The following ABLIM2 variants were observed in gnomAD, a reference collection of about 807,000 sequenced individuals.
ABLIM2 encodes actin-binding LIM protein 2.
In ABLIM2, 53 loss-of-function variants were observed where a neutral mutation model predicts 97.7. That is an observed-to-expected ratio of 0.54 (90% CI 0.44 to 0.68). The LOEUF is 0.68. Ranked by LOEUF, ABLIM2 falls within the 30% of genes least tolerant of loss-of-function variation. ABLIM2 has a pLI of 0.00. For synonymous variants in ABLIM2, 361 were observed against 345.8 expected (o/e 1.04, Z -0.49); for missense variants, 835 against 867.2 (o/e 0.96, Z 0.47).
intron 8 of ABLIM2, 103 bp from the exon 9 acceptor site, chr4:8,045,344 C>A (rs991356975): frequency 2.8e-6 from 3 of 1,084,940 alleles, no homozygotes; most frequent in Non-Finnish European, 4.3e-6. Flanking sequence ...CAGCGCACTG[C>A]GGTGTTTCTT....
In ABLIM2 at chr4:8,071,098, G is replaced by C. The variant is rs1238955310; in HGVS notation, c.675+6530C>G. 6.6e-6 allele frequency among the ~76,000 whole-genome samples: 1 copy of C among 152,164 alleles called. No individual in the cohort carries two copies. The highest frequency in any genetic ancestry group is 1.5e-5 in the Non-Finnish European group (1 of 68,014). ...CACCTCCTCCCTTTATGCAGCCCTGGTCTAGAGGCTGGTCACACCGCTGTC... is the reference window on the plus strand; with the variant it reads ...CACCTCCTCCCTTTATGCAGCCCTGCTCTAGAGGCTGGTCACACCGCTGTC... On this transcript the variant is annotated intron_variant, in intron 6 of 20. Coordinates refer to ENST00000447017, the MANE Select transcript of ABLIM2 (RefSeq NM_001130083.2). This position sits in a 1 kb window ranked among gnomAD's most constrained non-coding sequence, Gnocchi z 6.2.
chr4:8,145,789 C>T (rs937118774), intron 1 of ABLIM2, among the ~76,000 whole-genome samples: 4 of 144,234 alleles, frequency 2.8e-5, no homozygotes, highest in East Asian at 2.1e-4. Flanking sequence ...CACACACACA[C>T]GAGATCCCTG....
chr4:8,018,011 C>G (rs1211524515), intron 14 of ABLIM2, among the ~76,000 whole-genome samples: 2 of 149,552 alleles, frequency 1.3e-5, no homozygotes, highest in African/African-American at 4.9e-5. Flanking sequence ...AAAAAAAGCA[C>G]AAAGACGATC....
rs997138396 is a variant in ABLIM2 at position 8,087,023 on chromosome 4, G to T, written c.454+1146C>A. ...TCCCAGGGCCAGTGCTGCACCTCGG[G>T]GAGGCTGGAAGTGGAATCGCCTCTG... On this transcript the variant is annotated intron_variant, in intron 4 of 20. Coordinates refer to ENST00000447017, the MANE Select transcript of ABLIM2 (RefSeq NM_001130083.2). This position sits in a 1 kb window ranked among gnomAD's most constrained non-coding sequence, Gnocchi z 4.6. Among the ~76,000 whole-genome samples, 1 of 152,156 alleles carries T rather than the reference G, an allele frequency of 6.6e-6. No homozygotes were observed. Among genetic ancestry groups the T allele is most frequent in the African/African-American group, 2.4e-5 (1 of 41,448 alleles).
Position 8,112,528 on chromosome 4 carries a change from G to T in ABLIM2, c.11-5891C>A, listed in dbSNP as rs1175425085. On this transcript the variant is annotated intron_variant, in intron 1 of 20. Coordinates refer to ENST00000447017, the MANE Select transcript of ABLIM2 (RefSeq NM_001130083.2). The surrounding 1 kb of genome is among the most constrained non-coding windows in gnomAD (Gnocchi z 4.2). The stretch of plus-strand genomic sequence containing the variant: ...CAGACTTGCAGGCCGCAGGATGGAG[G>T]GGTCAGATCAGGGGTGGCTATCAGA... 1.3e-5 allele frequency among the ~76,000 whole-genome samples: 2 copies of T among 152,166 alleles called. No homozygotes were observed. Among genetic ancestry groups the T allele is most frequent in the African/African-American group, 2.4e-5 (1 of 41,434 alleles).
rs1849206220 is a variant in ABLIM2, at chr4:8,130,470, G to A, written c.11-23833C>T. On this transcript the variant is annotated intron_variant, in intron 1 of 20. Coordinates refer to ENST00000447017, the MANE Select transcript of ABLIM2 (RefSeq NM_001130083.2). The surrounding 1 kb of genome is among the most constrained non-coding windows in gnomAD (Gnocchi z 4.2). ...GGCAGGGAGAGTGGACGCCGGCGCC[G>A]GGCACTGATCTGGGCCTTTCCACAG... Among the ~76,000 whole-genome samples the A allele has an allele frequency of 1.3e-5, 2 of 152,308 alleles. No individual in the cohort carries two copies. Among genetic ancestry groups the A allele is most frequent in the Middle Eastern group, 3.4e-3 (1 of 294 alleles).
At chr4:8,074,038 G>C (rs1279360342) in intron 6 of ABLIM2, among the ~76,000 whole-genome samples, 1 of 128,178 alleles carries the variant, frequency 7.8e-6, no homozygotes, top group Non-Finnish European at 1.6e-5. Context: ...AGTGAGCCGA[G>C]ATTGCGCCAC....
chr4:8,130,551 C>T lies in ABLIM2; in HGVS notation c.11-23914G>A, dbSNP rs948969165. Among the ~76,000 whole-genome samples the T allele has an allele frequency of 2.0e-5, 3 of 152,014 alleles. No individual in the cohort carries two copies. Among genetic ancestry groups the T allele is most frequent in the Middle Eastern group, 3.4e-3 (1 of 294 alleles). ...CCCGAGACACTGTGAGGTGGCGCCA[C>T]GCTTGGCCCCGCATTACTGGGACTT... On this transcript the variant is annotated intron_variant, in intron 1 of 20. Coordinates refer to ENST00000447017, the MANE Select transcript of ABLIM2 (RefSeq NM_001130083.2). This position sits in a 1 kb window ranked among gnomAD's most constrained non-coding sequence, Gnocchi z 4.2.
chr4:8,131,775 G>A (rs113846386), intron 1 of ABLIM2, among the ~76,000 whole-genome samples: 7 of 83,468 alleles, frequency 8.4e-5, no homozygotes, highest in African/African-American at 1.3e-4. Flanking sequence ...ACAGCAGCCC[G>A]CATCCCCTGC....
chr4:8,092,474 T>C (rs977711575), intron 3 of ABLIM2, among the ~76,000 whole-genome samples: 1 of 152,296 alleles, frequency 6.6e-6, no homozygotes, highest in East Asian at 1.9e-4. Flanking sequence ...TAAAACAGAA[T>C]GGCGTATGAC....
intron 3 of ABLIM2, among the ~76,000 whole-genome samples, chr4:8,091,833 T>C (rs1828835623): frequency 1.7e-5 from 1 of 59,610 alleles, no homozygotes; most frequent in Non-Finnish European, 3.2e-5. Flanking sequence ...ATTATATAAA[T>C]AATATAATAT....
chr4:8,101,801 C>T (rs1834795153), intron 2 of ABLIM2, among the ~76,000 whole-genome samples: 2 of 152,220 alleles, frequency 1.3e-5, no homozygotes, highest in Admixed American at 1.3e-4. Context: ...CAGAGCTCAG[C>T]CACCCTTTGA....
intron 9 of ABLIM2, among the ~76,000 whole-genome samples, chr4:8,036,852 C>T (rs1414823899): frequency 1.3e-5 from 2 of 152,004 alleles, no homozygotes; most frequent in Non-Finnish European, 2.9e-5. Context: ...TGCAAACACA[C>T]ACACTGCACA....
chr4:7,976,427 A>C (rs1199336809), intron 20 of ABLIM2, among the ~76,000 whole-genome samples: 5 of 152,168 alleles, frequency 3.3e-5, no homozygotes, highest in African/African-American at 1.2e-4. Context: ...CCATGTAGCC[A>C]CAGGGGTTGT....
chr4:8,074,776 CTTTTTTTTTTTTT>C (rs71175458), intron 6 of ABLIM2, among the ~76,000 whole-genome samples: 1 of 105,048 alleles, frequency 9.5e-6, no homozygotes, highest in Non-Finnish European at 1.9e-5. Context: ...CCTGGTAATT[CTTTTTTTTTTTTT>C]TTTTTTTTTG....
Position 8,113,416 on chromosome 4 carries a change from T to C in ABLIM2, c.11-6779A>G, listed in dbSNP as rs1841308311. Among the ~76,000 whole-genome samples, 1 of 152,198 alleles carries C rather than the reference T, an allele frequency of 6.6e-6. No individual in the cohort carries two copies. Among genetic ancestry groups the C allele is most frequent in the African/African-American group, 2.4e-5 (1 of 41,436 alleles). ...GGCTGGGGATTTGCTTGACTGTTTATTTCCGATCTGTGCCCACGGATCTAT... is the reference window on the plus strand; with the variant it reads ...GGCTGGGGATTTGCTTGACTGTTTACTTCCGATCTGTGCCCACGGATCTAT... On this transcript the variant is annotated intron_variant, in intron 1 of 20. Coordinates refer to ENST00000447017, the MANE Select transcript of ABLIM2 (RefSeq NM_001130083.2). This position sits in a 1 kb window ranked among gnomAD's most constrained non-coding sequence, Gnocchi z 4.5.
intron 3 of ABLIM2, among the ~76,000 whole-genome samples, chr4:8,092,156 C>T (rs1348743143): frequency 6.6e-6 from 1 of 151,108 alleles, no homozygotes; most frequent in Non-Finnish European, 1.5e-5. Flanking sequence ...TGCCACTACA[C>T]CTGGCTAATT....
At chr4:7,972,348 C>G (rs1728809734) in intron 20 of ABLIM2, among the ~76,000 whole-genome samples, 1 of 152,208 alleles carries the variant, frequency 6.6e-6, no homozygotes, top group African/African-American at 2.4e-5. Flanking sequence ...CATTCACCAG[C>G]AGCTCTTCGT....
chr4:8,074,841 C>T (rs370575820), intron 6 of ABLIM2, among the ~76,000 whole-genome samples: 22 of 141,784 alleles, frequency 1.6e-4, no homozygotes, highest in Non-Finnish European at 2.8e-4. Flanking sequence ...AGTGCAGTGG[C>T]GCAGTCTCGG....
Sources: allele counts gnomAD v4.1 joint callset (sites outside exome capture counted in the v4.1 genomes callset), GRCh38; gene constraint gnomAD v4.1.1; non-coding constraint Gnocchi (gnomAD v3.1); transcripts MANE v1.5; gene names NCBI Gene and HGNC (gene_info 2026-07-23, HGNC 2026-07-21).